Variants in KHDRBS2 observed in about 807,000 individuals in gnomAD.
The protein encoded by KHDRBS2 is KH RNA binding domain containing, signal transduction associated 2, also known as KH domain-containing, RNA-binding, signal transduction-associated protein 2.
In KHDRBS2, 26 loss-of-function variants were observed where a neutral mutation model predicts 44.3. That is an observed-to-expected ratio of 0.59 (90% CI 0.43 to 0.81). The LOEUF (loss-of-function observed/expected upper bound fraction) is 0.81, where lower values mean the gene tolerates loss of function less well. Ranked by LOEUF, KHDRBS2 falls within the 40% of genes least tolerant of loss-of-function variation. The probability of loss-of-function intolerance (pLI) is 0.00; values close to 1 mark genes in which losing one functional copy is unlikely to be tolerated. For synonymous variants in KHDRBS2, 194 were observed against 151.1 expected, an observed-to-expected ratio of 1.28 and a Z score of -2.08; for missense variants, 476 against 433.1, an observed-to-expected ratio of 1.10 and a Z score of -0.88.
chr6:61,717,070 C>T (rs1267873691), intron 7 of KHDRBS2, among the ~76,000 whole-genome samples: 1 of 151,964 alleles, frequency 6.6e-6, no homozygotes, highest in African/African-American at 2.4e-5. Flanking sequence ...TCTTGAGAGA[C>T]TTGTCATTCA....
intron 2 of KHDRBS2, among the ~76,000 whole-genome samples, chr6:62,171,878 T>A (rs926810498): frequency 2.6e-5 from 4 of 152,100 alleles, no homozygotes; most frequent in African/African-American, 9.7e-5. Context: ...AAGCAAATGC[T>A]AAGGAAATTC....
At chr6:61,827,162 A>G (rs1791012643) in intron 6 of KHDRBS2, among the ~76,000 whole-genome samples, 1 of 152,208 alleles carries the variant, frequency 6.6e-6, no homozygotes, top group Non-Finnish European at 1.5e-5. Context: ...CCATTAGGTA[A>G]TAAACATCAT....
At chr6:61,993,172 C>T (rs1446517145) in intron 3 of KHDRBS2, among the ~76,000 whole-genome samples, 1 of 152,046 alleles carries the variant, frequency 6.6e-6, no homozygotes, top group Non-Finnish European at 1.5e-5. Context: ...TGGATATAGG[C>T]TCCCCATAAT....
At chr6:61,588,576 A>T in the KHDRBS2 span, among the ~76,000 whole-genome samples, 3 of 152,130 alleles carry the variant, frequency 2.0e-5, no homozygotes, top group African/African-American at 7.2e-5. Context: ...TGAGACTGGG[A>T]GTTTGAGATC....
At chr6:62,123,574 G>A (rs1354364082) in intron 2 of KHDRBS2, among the ~76,000 whole-genome samples, 1 of 152,136 alleles carries the variant, frequency 6.6e-6, no homozygotes, top group Admixed American at 6.5e-5. Flanking sequence ...AAATGGTATA[G>A]CCAGCCTCTT....
At chr6:62,016,503 A>C (rs541124206) in intron 3 of KHDRBS2, among the ~76,000 whole-genome samples, 6 of 150,480 alleles carry the variant, frequency 4.0e-5, no homozygotes, top group African/African-American at 1.5e-4. Flanking sequence ...GTGGATATAC[A>C]CATAGATAAT....
chr6:61,997,773 G>C (rs1333704312), intron 3 of KHDRBS2, among the ~76,000 whole-genome samples: 4 of 152,028 alleles, frequency 2.6e-5, no homozygotes, highest in African/African-American at 9.7e-5. Context: ...CTAACTCCCA[G>C]CCCAGCTTAC....
chr6:61,955,316 A>T (rs9453727), intron 4 of KHDRBS2, among the ~76,000 whole-genome samples: 2,776 of 106,454 alleles, frequency 0.026, 22 homozygotes, highest in Middle Eastern at 0.094. Context: ...ATATGTATAC[A>T]TATACGTGTA....
the KHDRBS2 span, among the ~76,000 whole-genome samples, chr6:61,654,930 C>G: frequency 6.6e-6 from 1 of 151,606 alleles, no homozygotes; most frequent in Non-Finnish European, 1.5e-5. Flanking sequence ...CTACCTTTTT[C>G]TCAATCTCAT....
At chr6:62,151,879 A>G (rs73758685) in intron 2 of KHDRBS2, among the ~76,000 whole-genome samples, 1,611 of 152,324 alleles carry the variant, frequency 0.011, 36 homozygotes, top group African/African-American at 0.036. Flanking sequence ...ACATCTGCCC[A>G]TCTAGTTTAT....
chr6:62,134,400 G>T (rs1340482180), intron 2 of KHDRBS2, among the ~76,000 whole-genome samples: 1 of 152,178 alleles, frequency 6.6e-6, no homozygotes, highest in East Asian at 1.9e-4. Flanking sequence ...GAGGATGTAT[G>T]GAAATGCCTG....
chr6:61,545,139 G>A, the KHDRBS2 span, among the ~76,000 whole-genome samples: 1 of 151,922 alleles, frequency 6.6e-6, no homozygotes, highest in Non-Finnish European at 1.5e-5. Context: ...TCAATGTTTT[G>A]TCTGGCTTAA....
At chr6:62,068,127 G>A (rs563070968) in intron 2 of KHDRBS2, among the ~76,000 whole-genome samples, 86 of 151,602 alleles carry the variant, frequency 5.7e-4, no homozygotes, top group Non-Finnish European at 1.0e-3. Flanking sequence ...GTTTTCCAAA[G>A]TGGCTGCAAG....
chr6:61,553,751 T>A, the KHDRBS2 span, among the ~76,000 whole-genome samples: 1 of 152,200 alleles, frequency 6.6e-6, no homozygotes, highest in Non-Finnish European at 1.5e-5. Flanking sequence ...TTGATTTCAT[T>A]ATTTACCAAA....
chr6:62,008,002 G>T (rs1779578244), intron 3 of KHDRBS2, among the ~76,000 whole-genome samples: 3 of 152,068 alleles, frequency 2.0e-5, no homozygotes, highest in Admixed American at 6.5e-5. Flanking sequence ...TATACAAAAT[G>T]AATTTCATAT....
chr6:61,674,052 T>G, the KHDRBS2 span, among the ~76,000 whole-genome samples: 58,936 of 151,620 alleles, frequency 0.39, 11,707 homozygotes, highest in East Asian at 0.49. Flanking sequence ...GTTGCTTTCA[T>G]GCTTATTTAA....
chr6:61,646,646 C>T, the KHDRBS2 span, among the ~76,000 whole-genome samples: 1 of 152,006 alleles, frequency 6.6e-6, no homozygotes, highest in Admixed American at 6.6e-5. Context: ...CACATATGTT[C>T]AGAAAAGTCC....
chr6:62,088,380 T>A (rs909457368), intron 2 of KHDRBS2, among the ~76,000 whole-genome samples: 10 of 152,194 alleles, frequency 6.6e-5, no homozygotes, highest in Non-Finnish European at 1.0e-4. Flanking sequence ...CTGATGGAGT[T>A]TTTGCATGGT....
chr6:62,274,728 C>T (rs1257551541), intron 1 of KHDRBS2, among the ~76,000 whole-genome samples: 1 of 151,974 alleles, frequency 6.6e-6, no homozygotes, highest in Non-Finnish European at 1.5e-5. Flanking sequence ...AGGTGTCCTG[C>T]CCCGAACTCC....
Sources: gnomAD v4.1 joint callset for allele counts (sites outside exome capture counted in the v4.1 genomes callset) on GRCh38, gnomAD v4.1.1 for gene constraint, MANE v1.5 for transcripts, NCBI Gene and HGNC (gene_info 2026-07-23, HGNC 2026-07-21) for gene names.